Variants in TRPC6 observed in about 807,000 individuals in gnomAD.
The protein encoded by TRPC6 is short transient receptor potential channel 6.
In TRPC6, 55 loss-of-function variants were observed where a neutral mutation model predicts 90.7. The observed-to-expected ratio is 0.61, with a 90% confidence interval of 0.49 to 0.76. The LOEUF is 0.76. TRPC6 is among the 30% of genes least tolerant of loss of function. The pLI is 0.00. For missense variants in TRPC6, 989 were observed against 1,122.7 expected (o/e 0.88, Z 1.70); for synonymous variants, 393 against 393.0 (o/e 1.00, Z 0.00).
chr11:101,488,288 A>T (rs1859723305), intron 4 of TRPC6, among the ~76,000 whole-genome samples: 1 of 152,242 alleles, frequency 6.6e-6, no homozygotes, highest in Non-Finnish European at 1.5e-5. Flanking sequence ...ATGAAAGGCT[A>T]GATCCATCTG....
At chr11:101,555,429 A>G (rs1311707488) in intron 1 of TRPC6, among the ~76,000 whole-genome samples, 1 of 152,100 alleles carries the variant, frequency 6.6e-6, no homozygotes, top group Non-Finnish European at 1.5e-5. Flanking sequence ...TACTCAATGT[A>G]TTTGCTCATG....
intron 4 of TRPC6, among the ~76,000 whole-genome samples, chr11:101,485,295 C>A (rs540238784): frequency 1.3e-4 from 19 of 150,850 alleles, no homozygotes; most frequent in Non-Finnish European, 2.8e-4. Context: ...TTTTTAGATC[C>A]TTTTAAAATC....
At chr11:101,471,480 C>G in intron 8 of TRPC6, 94 bp from the exon 9 acceptor site, 1 of 1,288,808 alleles carries the variant, frequency 7.8e-7, no homozygotes, top group Non-Finnish European at 1.1e-6. Context: ...AGGACAATGC[C>G]TATAAACACT....
chr11:101,579,337 C>T (rs1014831385), intron 1 of TRPC6, among the ~76,000 whole-genome samples: 1 of 151,874 alleles, frequency 6.6e-6, no homozygotes, highest in Non-Finnish European at 1.5e-5. Context: ...TTTATATGTA[C>T]TTTTAAAGAT....
Position 101,575,393 on chromosome 11 carries a change from C to T in TRPC6, c.170+7941G>A, listed in dbSNP as rs181315389. 4.6e-5 allele frequency among the ~76,000 whole-genome samples: 7 copies of T among 152,268 alleles called. No homozygotes were observed. The East Asian group carries it at 1.4e-3, about 29-fold the overall frequency. ...TTGAAATAAGAGATAAAACAAAATC[C>T]TTTGCTCTTCCCTTTCTTTCTTCCC... On this transcript the variant is annotated intron_variant, in intron 1 of 12. Coordinates refer to ENST00000344327, the MANE Select transcript of TRPC6 (RefSeq NM_004621.6).
intron 1 of TRPC6, among the ~76,000 whole-genome samples, chr11:101,527,468 T>C (rs893025417): frequency 1.3e-5 from 2 of 152,186 alleles, no homozygotes; most frequent in Non-Finnish European, 2.9e-5. Flanking sequence ...AAATACGGAT[T>C]TCAAAATTTA....
At position 101,550,183 on chromosome 11, in the gene TRPC6, A is replaced by G. The variant is rs1043876859; in HGVS notation, c.170+33151T>C. 5.3e-4 allele frequency among the ~76,000 whole-genome samples: 81 copies of G among 151,744 alleles called. 1 individual carries two copies. Among genetic ancestry groups the G allele is most frequent in the Non-Finnish European group, 3.5e-4 (24 of 67,674 alleles). ...GAATAAAAATTTAGAATCAACTTAC[A>G]TATGCCCAACAATTACAAAATCATC... On this transcript the variant is annotated intron_variant, in intron 1 of 12. Coordinates refer to ENST00000344327, the MANE Select transcript of TRPC6 (RefSeq NM_004621.6).
chr11:101,531,620 A>G (rs1442705942), intron 1 of TRPC6, among the ~76,000 whole-genome samples: 1 of 152,220 alleles, frequency 6.6e-6, no homozygotes, highest in East Asian at 1.9e-4. Flanking sequence ...TCTTATGAAT[A>G]GGATGAATGA....
intron 10 of TRPC6, among the ~76,000 whole-genome samples, chr11:101,460,029 T>C (rs1031416149): frequency 6.6e-6 from 1 of 152,196 alleles, no homozygotes; most frequent in Non-Finnish European, 1.5e-5. Context: ...GATGTACACT[T>C]ATTATAAGAT....
At chr11:101,554,047 T>A (rs998643486) in intron 1 of TRPC6, among the ~76,000 whole-genome samples, 5 of 152,120 alleles carry the variant, frequency 3.3e-5, no homozygotes, top group African/African-American at 9.7e-5. Context: ...ATAGACACAC[T>A]GGACTCTGCA....
intron 1 of TRPC6, among the ~76,000 whole-genome samples, chr11:101,568,351 T>C (rs1406170948): frequency 1.3e-5 from 2 of 151,962 alleles, no homozygotes; most frequent in Non-Finnish European, 2.9e-5. Context: ...CTCCAAGAAA[T>C]ATGGGACTAT....
chr11:101,545,902 C>G (rs969771200), intron 1 of TRPC6, among the ~76,000 whole-genome samples: 7 of 151,984 alleles, frequency 4.6e-5, no homozygotes, highest in Non-Finnish European at 8.8e-5. Flanking sequence ...CTGGTTTTCA[C>G]ACAGATGGGC....
intron 1 of TRPC6, among the ~76,000 whole-genome samples, chr11:101,560,709 C>T (rs925151183): frequency 6.6e-6 from 1 of 151,854 alleles, no homozygotes; most frequent in African/African-American, 2.4e-5. Flanking sequence ...AGAAGCAACC[C>T]GGAGTGCAGA....
At chr11:101,581,682 TAGC>T (rs1312612301) in intron 1 of TRPC6, among the ~76,000 whole-genome samples, 1 of 152,210 alleles carries the variant, frequency 6.6e-6, no homozygotes, top group East Asian at 1.9e-4. Context: ...CATTTTAAAA[TAGC>T]AGCATTTCAG....
At chr11:101,492,021 A>C (rs1389482210) in intron 2 of TRPC6, among the ~76,000 whole-genome samples, 1 of 151,610 alleles carries the variant, frequency 6.6e-6, no homozygotes, top group African/African-American at 2.4e-5. Flanking sequence ...TTGTATTTTT[A>C]GTAGAGACGG....
chr11:101,533,011 G>A (rs1430756205), intron 1 of TRPC6, among the ~76,000 whole-genome samples: 1 of 152,122 alleles, frequency 6.6e-6, no homozygotes, highest in African/African-American at 2.4e-5. Flanking sequence ...ACATTCAACA[G>A]TGCCATGGTG....
chr11:101,462,444 G>A (rs558421649), intron 10 of TRPC6, among the ~76,000 whole-genome samples: 12 of 152,020 alleles, frequency 7.9e-5, no homozygotes, highest in East Asian at 3.9e-4. Context: ...ATCCATGAGC[G>A]TGGAACGATT....
chr11:101,521,354 G>A (rs1056964504), intron 1 of TRPC6, among the ~76,000 whole-genome samples: 16 of 152,158 alleles, frequency 1.1e-4, no homozygotes, highest in African/African-American at 3.4e-4. Context: ...ATAAGCCTTG[G>A]TGGCTTCCAT....
rs116458856 is a variant in TRPC6 at position 101,486,874 on chromosome 11, A to G, written c.1293+2063T>C. On this transcript the variant is annotated intron_variant, in intron 4 of 12. Coordinates refer to ENST00000344327, the MANE Select transcript of TRPC6 (RefSeq NM_004621.6). ...CATATTTATGTTCACTGCAAATGGA[A>G]AACTGTAAAATAGATTTTATCATCA... Among the ~76,000 whole-genome samples, 1,255 of 152,284 alleles carry G rather than the reference A, an allele frequency of 8.2e-3. 14 individuals carry two copies. Among genetic ancestry groups the G allele is most frequent in the African/African-American group, 0.029 (1,206 of 41,578 alleles).
Sources: allele counts gnomAD v4.1 joint callset (sites outside exome capture counted in the v4.1 genomes callset), GRCh38; gene constraint gnomAD v4.1.1; transcripts MANE v1.5; gene names NCBI Gene and HGNC (gene_info 2026-07-23, HGNC 2026-07-21).